CACNA1E: variants seen among roughly 807,000 people sequenced by gnomAD.
CACNA1E encodes voltage-dependent R-type calcium channel subunit alpha-1E.
A neutral mutation model predicts 259.2 loss-of-function variants in CACNA1E; 40 were observed. That is an observed-to-expected ratio of 0.15 (90% CI 0.12 to 0.20). The LOEUF (loss-of-function observed/expected upper bound fraction) is 0.20, where lower values mean the gene tolerates loss of function less well. Among genes scored for constraint, CACNA1E ranks in the 10% least tolerant of loss-of-function variants. CACNA1E has a pLI of 1.00. For synonymous variants in CACNA1E, 1,104 were observed against 1,138.5 expected (o/e 0.97, Z 0.61); for missense variants, 1,874 against 3,040.1 (o/e 0.62, Z 9.02).
chr1:181,443,351 G>A (rs3845431), intron 2 of CACNA1E, among the ~76,000 whole-genome samples: 70,213 of 152,066 alleles, frequency 0.46, 16,371 homozygotes, highest in Admixed American at 0.51. Flanking sequence ...GAACTCCATA[G>A]TCTCAATTTC....
At chr1:181,749,713 A>G (rs940743387) in intron 25 of CACNA1E, among the ~76,000 whole-genome samples, 2 of 152,236 alleles carry the variant, frequency 1.3e-5, no homozygotes, top group Non-Finnish European at 2.9e-5. Flanking sequence ...CATTATTTCT[A>G]TCTTGAAGAT....
At chr1:181,686,283 T>TTTTTTTTTTTTTTG (rs1650545422) in intron 7 of CACNA1E, among the ~76,000 whole-genome samples, 4 of 122,764 alleles carry the variant, frequency 3.3e-5, no homozygotes, top group African/African-American at 6.3e-5. Flanking sequence ...AAGTTTTTTT[T>TTTTTTTTTTTTTTG]TTTTTTTTTT....
chr1:181,762,624 C>T lies in CACNA1E; in HGVS notation c.4656C>T (p.Gly1552=). The T allele has an allele frequency of 6.2e-7, 1 of 1,606,550 alleles. No individual in the cohort carries two copies. Among genetic ancestry groups the T allele is most frequent in the Admixed American group, 1.7e-5 (1 of 59,330 alleles). ...TCTTTGACTTCATCACCGTGATTGG[C>T]AGTATCACAGAAATTATCCTGACAG... ...WNIFDFITVI[G]SITEIILTDS... The change falls in exon 33 of 48, where the codon GGC becomes GGT. Residue 1552 remains glycine (G), a synonymous_variant. Coordinates refer to ENST00000367573, the MANE Select transcript of CACNA1E (RefSeq NM_001205293.3).
chr1:181,772,303 C>G, intron 37 of CACNA1E, 72 bp downstream of exon 37: 1 of 1,465,610 alleles, frequency 6.8e-7, no homozygotes, highest in Non-Finnish European at 9.4e-7. Flanking sequence ...GATACATAGA[C>G]CGGAGATGTT....
chr1:181,737,903 T>C (rs866406434), intron 23 of CACNA1E, among the ~76,000 whole-genome samples: 52 of 152,118 alleles, frequency 3.4e-4, no homozygotes, highest in African/African-American at 1.2e-3. Context: ...CCCATGGGCT[T>C]GGATGTGGGT....
chr1:181,518,788 G>A (rs1454504805), intron 3 of CACNA1E, among the ~76,000 whole-genome samples: 5 of 152,170 alleles, frequency 3.3e-5, no homozygotes, highest in Non-Finnish European at 7.3e-5. Flanking sequence ...TGTTGGGATG[G>A]TTTCTGTTTC....
intron 1 of CACNA1E, among the ~76,000 whole-genome samples, chr1:181,363,371 G>A (rs914872128): frequency 6.6e-6 from 1 of 152,240 alleles, no homozygotes; most frequent in Non-Finnish European, 1.5e-5. Flanking sequence ...AAGGAAGGAA[G>A]TAGAGAATCC....
intron 3 of CACNA1E, among the ~76,000 whole-genome samples, chr1:181,576,483 T>A (rs959978224): frequency 6.6e-6 from 1 of 152,266 alleles, no homozygotes; most frequent in African/African-American, 2.4e-5. Flanking sequence ...CCATAGGGCA[T>A]GCACTTTCCA....
intron 6 of CACNA1E, among the ~76,000 whole-genome samples, chr1:181,582,900 G>C (rs1007881723): frequency 2.6e-5 from 4 of 152,144 alleles, no homozygotes; most frequent in African/African-American, 9.7e-5. Flanking sequence ...AGGAGATCAA[G>C]TTGCAGATAC....
At chr1:181,367,196 G>C (rs76898054) in intron 1 of CACNA1E, among the ~76,000 whole-genome samples, 6,787 of 152,312 alleles carry the variant, frequency 0.045, 172 homozygotes, top group Non-Finnish European at 0.058. Flanking sequence ...CGCTCATCAG[G>C]ATCAAGGCAG....
intron 43 of CACNA1E, among the ~76,000 whole-genome samples, chr1:181,786,479 C>A (rs1470426238): frequency 6.6e-6 from 1 of 152,118 alleles, no homozygotes; most frequent in Non-Finnish European, 1.5e-5. Context: ...ACCATGTTTT[C>A]TTTAATGAAC....
At chr1:181,582,452 G>A (rs1038735572) in intron 6 of CACNA1E, among the ~76,000 whole-genome samples, 4 of 152,186 alleles carry the variant, frequency 2.6e-5, no homozygotes, top group Admixed American at 6.5e-5. Flanking sequence ...TCACATGGAG[G>A]GCTTTGAGAG....
intron 1 of CACNA1E, among the ~76,000 whole-genome samples, chr1:181,326,165 G>A (rs996892393): frequency 5.3e-5 from 8 of 152,174 alleles, no homozygotes; most frequent in African/African-American, 1.9e-4. Flanking sequence ...TATATTGTAT[G>A]TACAGCTTTT....
intron 44 of CACNA1E, 46 bp from the exon 45 acceptor site, chr1:181,793,619 G>A (rs1283002926): frequency 6.3e-7 from 1 of 1,589,824 alleles, no homozygotes; most frequent in Non-Finnish European, 8.6e-7. Flanking sequence ...GAGAAGCAAT[G>A]AGATGGAACC....
intron 2 of CACNA1E, among the ~76,000 whole-genome samples, chr1:181,442,045 G>T: frequency 6.6e-6 from 1 of 152,202 alleles, no homozygotes; most frequent in East Asian, 1.9e-4. Flanking sequence ...AGCCCACACG[G>T]ACCTTGGACT....
chr1:181,617,307 T>C (rs1163065415), intron 6 of CACNA1E, among the ~76,000 whole-genome samples: 1 of 152,056 alleles, frequency 6.6e-6, no homozygotes, highest in Non-Finnish European at 1.5e-5. Context: ...TAGTGGGAGT[T>C]GTTAGTGTGT....
At chr1:181,407,736 T>G (rs1161262021) in intron 1 of CACNA1E, among the ~76,000 whole-genome samples, 1 of 152,178 alleles carries the variant, frequency 6.6e-6, no homozygotes, top group African/African-American at 2.4e-5. Context: ...CAGGGAATGT[T>G]TCCTCTCAGA....
chr1:181,493,547 T>C (rs1664495586), intron 1 of CACNA1E, among the ~76,000 whole-genome samples: 1 of 152,160 alleles, frequency 6.6e-6, no homozygotes, highest in African/African-American at 2.4e-5. Flanking sequence ...TCCCTTCCTG[T>C]TTTCTGTTTT....
At chr1:181,321,598 T>A (rs1650353682) in intron 1 of CACNA1E, among the ~76,000 whole-genome samples, 1 of 152,160 alleles carries the variant, frequency 6.6e-6, no homozygotes, top group Non-Finnish European at 1.5e-5. Context: ...TAGTTGATAG[T>A]GTGTTGGTTG....
Sources: gnomAD v4.1 joint callset for allele counts (sites outside exome capture counted in the v4.1 genomes callset) on GRCh38, gnomAD v4.1.1 for gene constraint, MANE v1.5 for transcripts, NCBI Gene and HGNC (gene_info 2026-07-23, HGNC 2026-07-21) for gene names.